Variants in F3 observed in about 807,000 individuals in gnomAD.
The protein encoded by F3 is tissue factor.
A neutral mutation model predicts 33.5 loss-of-function variants in F3; 18 were observed. The ratio of observed to expected loss-of-function variants is 0.54; its 90% confidence interval spans 0.37 to 0.80. F3 has a LOEUF of 0.80. Among genes scored for constraint, F3 ranks in the 30% least tolerant of loss-of-function variants. The pLI is 0.00. For missense variants in F3, 353 were observed against 362.1 expected (o/e 0.97, Z 0.20); for synonymous variants, 147 against 140.7 (o/e 1.05, Z -0.32).
chr1:94,535,938 A>T (rs1256572819), intron 3 of F3, 27 bp downstream of exon 3: 1 of 1,598,932 alleles, frequency 6.3e-7, no homozygotes, highest in South Asian at 1.1e-5. Flanking sequence ...AACAAGAATG[A>T]ACGGTATTAC....
intron 1 of F3, among the ~76,000 whole-genome samples, chr1:94,541,238 A>C (rs1651766331): frequency 6.6e-6 from 1 of 152,220 alleles, no homozygotes; most frequent in Non-Finnish European, 1.5e-5. Flanking sequence ...CCAGAGTTAA[A>C]GCGGGAGCTA....
In F3 at chr1:94,530,556, G is replaced by C. The variant is rs145977586; in HGVS notation, c.792C>G (p.Ile264Met). The C allele has an allele frequency of 3.1e-6, 5 of 1,613,982 alleles. No homozygotes were observed. Among genetic ancestry groups the C allele is most frequent in the Admixed American group, 3.3e-5 (2 of 60,004 alleles). ...ATATAGCCAGGATGATGACAAGGAT[G>C]ATGACCACAAATACCACAGCTCCAA... is the stretch of plus-strand genomic sequence containing the variant. ...YIIGAVVFVV[I>M]ILVIILAISL... The change falls in exon 6 of 6, where the codon ATC (isoleucine) becomes ATG (methionine). Residue 264 changes from isoleucine (I) to methionine (M), a missense_variant. Ile to Met is a conservative substitution (Grantham distance 10, BLOSUM62 1). Coordinates refer to ENST00000334047, the MANE Select transcript of F3 (RefSeq NM_001993.5).
At chr1:94,539,116 G>A (rs1651695883) in intron 2 of F3, among the ~76,000 whole-genome samples, 1 of 152,118 alleles carries the variant, frequency 6.6e-6, no homozygotes, top group Non-Finnish European at 1.5e-5. Flanking sequence ...TGTTTACTAA[G>A]GTAAACTTCA....
At position 94,530,449 on chromosome 1, in the gene F3, C is replaced by T; in HGVS notation, c.*11G>A. 1.2e-6 allele frequency: 2 copies of T among 1,614,062 alleles called. No homozygotes were observed. The highest frequency in any genetic ancestry group is 1.7e-6 in the Non-Finnish European group (2 of 1,180,020). On this transcript the variant is annotated 3_prime_UTR_variant, in exon 6 of 6. Coordinates refer to ENST00000334047, the MANE Select transcript of F3 (RefSeq NM_001993.5). ...AATATAGCATTTGCAGTAGCTCCAA[C>T]AGTGCTTCCTTTATGAAACATTCAG...
rs374919018 is a variant in F3, at chr1:94,536,163, T to A, written c.214A>T (p.Thr72Ser). ...VNQVYTVQIS[T>S]KSGDWKSKCF... ...TTGCTTTTCCAATCTCCTGACTTAGTGCTAAAGAAAGAAAAGAAGGAAGAA... is the reference window on the plus strand; with the variant it reads ...TTGCTTTTCCAATCTCCTGACTTAGAGCTAAAGAAAGAAAAGAAGGAAGAA... The change falls in exon 3 of 6, where the codon ACT becomes TCT. Residue 72 changes from threonine (T) to serine (S), a missense_variant and splice_region_variant. Transcript: ENST00000334047. 2.3e-5 allele frequency: 37 copies of A among 1,613,712 alleles called. No homozygotes were observed. In the South Asian group the frequency reaches 3.7e-4, roughly 16 times the overall value.
rs766214876 is a variant in F3 at position 94,533,059 on chromosome 1, A to G, written c.591+31T>C. ...AACCCAAGTATTCACAATTTAAAAC[A>G]GGTCATAAAAACAAATTAAAAAATG... is the stretch of plus-strand genomic sequence containing the variant. On this transcript the variant is annotated intron_variant, in intron 4 of 5. Coordinates refer to ENST00000334047, the MANE Select transcript of F3 (RefSeq NM_001993.5). 1.9e-6 allele frequency: 3 copies of G among 1,597,260 alleles called. No homozygotes were observed. In the South Asian group the frequency reaches 3.4e-5, roughly 18 times the overall value.
In F3 at chr1:94,529,552, CAGTT is replaced by C. The variant is rs1307622384; in HGVS notation, c.*904_*907del. On this transcript the variant is annotated 3_prime_UTR_variant, in exon 6 of 6. Coordinates refer to ENST00000334047, the MANE Select transcript of F3 (RefSeq NM_001993.5). ...CTCAAATGTTTAATGCCACTTAAGT[CAGTT>C]AAAGTGCAGATTGTAAAGCATATTA... is the stretch of plus-strand genomic sequence containing the variant. 6.6e-6 allele frequency: 1 copy of C among 152,592 alleles called. No individual in the cohort carries two copies. Among genetic ancestry groups the C allele is most frequent in the Non-Finnish European group, 1.5e-5 (1 of 68,020 alleles). 9.5% of individuals were successfully genotyped at this position (152,592 alleles called of 1,614,324 possible).
intron 2 of F3, among the ~76,000 whole-genome samples, chr1:94,536,644 G>T (rs902570258): frequency 6.6e-6 from 1 of 152,122 alleles, no homozygotes; most frequent in African/African-American, 2.4e-5. Flanking sequence ...GAATGTAGAC[G>T]CTCTCTGTCA....
chr1:94,530,743 A>G (rs981791759), intron 5 of F3, 147 bp from the exon 6 acceptor site: 11 of 940,224 alleles, frequency 1.2e-5, no homozygotes, highest in Non-Finnish European at 1.3e-5. Flanking sequence ...TTACATTAGG[A>G]AAGAATTTGT....
chr1:94,530,555 T>A lies in F3; in HGVS notation c.793A>T (p.Ile265Phe), dbSNP rs756710120. The change falls in exon 6 of 6, where the codon ATC becomes TTC. Residue 265 changes from isoleucine to phenylalanine, a missense_variant. Physicochemically the swap from Ile to Phe is conservative, Grantham distance 21. Coordinates refer to ENST00000334047, the MANE Select transcript of F3 (RefSeq NM_001993.5). The stretch of plus-strand genomic sequence containing the variant: ...GATATAGCCAGGATGATGACAAGGA[T>A]GATGACCACAAATACCACAGCTCCA... ...IIGAVVFVVI[I>F]LVIILAISLH... 3.7e-6 allele frequency: 6 copies of A among 1,614,124 alleles called. No individual in the cohort carries two copies. Among genetic ancestry groups the A allele is most frequent in the Non-Finnish European group, 5.1e-6 (6 of 1,180,014 alleles).
Position 94,541,619 on chromosome 1 carries a change from C to T in F3, c.18G>A (p.Trp6Ter). Residue 6 changes from tryptophan (W) to a stop codon, truncating the protein, a stop_gained, in exon 1 of 6, where the codon TGG becomes TGA. Transcript: ENST00000334047. LOFTEE classifies it high-confidence loss of function. METPA[W>*]PRVPRPETAV... is the part of the protein sequence containing the mutation. ...CGGTCTCGGGGCGCGGGACCCGGGG[C>T]CAGGCAGGGGTCTCCATGTCTACCA... The T allele has an allele frequency of 6.9e-7, 1 of 1,453,690 alleles. No individual in the cohort carries two copies. The highest frequency in any genetic ancestry group is 9.1e-7 in the Non-Finnish European group (1 of 1,102,004). 90.0% of individuals were successfully genotyped at this position (1,453,690 alleles called of 1,614,324 possible).
intron 3 of F3, among the ~76,000 whole-genome samples, chr1:94,534,365 T>A (rs182490450): frequency 3.5e-4 from 53 of 152,322 alleles, no homozygotes; most frequent in Middle Eastern, 3.4e-3. Context: ...ATACTCGGAT[T>A]TTCAACTGCA....
chr1:94,541,495 C>A, intron 1 of F3, 42 bp downstream of exon 1: 1 of 1,391,152 alleles, frequency 7.2e-7, no homozygotes, highest in Non-Finnish European at 9.5e-7. Flanking sequence ...CTCCCTCCTG[C>A]GTGTGGCGCG....
At chr1:94,538,710 C>T (rs1008194332) in intron 2 of F3, among the ~76,000 whole-genome samples, 3 of 152,220 alleles carry the variant, frequency 2.0e-5, no homozygotes, top group African/African-American at 7.2e-5. Context: ...GTTTCCTCAA[C>T]TGTAAAATGA....
chr1:94,536,166 TAAAG>T lies in F3; in HGVS notation c.213-6_213-3del. On this transcript the variant is annotated splice_region_variant and splice_polypyrimidine_tract_variant and intron_variant, in intron 2 of 5. Coordinates refer to ENST00000334047, the MANE Select transcript of F3 (RefSeq NM_001993.5). The stretch of plus-strand genomic sequence containing the variant: ...CTTTTCCAATCTCCTGACTTAGTGC[TAAAG>T]AAAGAAAAGAAGGAAGAAACATAAA... 6.2e-7 allele frequency: 1 copy of T among 1,613,496 alleles called. No individual in the cohort carries two copies. The highest frequency in any genetic ancestry group is 8.5e-7 in the Non-Finnish European group (1 of 1,179,710).
At chr1:94,535,838 T>C (rs1651586577) in intron 3 of F3, 127 bp downstream of exon 3, 1 of 848,824 alleles carries the variant, frequency 1.2e-6, no homozygotes, top group African/African-American at 1.7e-5. Context: ...AGGGCTGTGA[T>C]ACATACCAGT....
At chr1:94,536,367 TG>T (rs1463032458) in intron 2 of F3, among the ~76,000 whole-genome samples, 1 of 152,196 alleles carries the variant, frequency 6.6e-6, no homozygotes, top group Non-Finnish European at 1.5e-5. Context: ...TTGCCCAGGC[TG>T]ATCCTTCTGC....
Position 94,541,708 on chromosome 1 carries a change from G to A in F3, c.-72C>T, listed in dbSNP as rs927508402. The stretch of plus-strand genomic sequence containing the variant: ...GGGCTGGGGAGGTTGGGCTGAAGGC[G>A]CCCTGGGCCGGCCAGAGGGAGTGCG... On this transcript the variant is annotated 5_prime_UTR_variant, in exon 1 of 6. Coordinates refer to ENST00000334047, the MANE Select transcript of F3 (RefSeq NM_001993.5). 11 of 1,028,012 alleles carry A rather than the reference G, an allele frequency of 1.1e-5. No individual in the cohort carries two copies. The highest frequency in any genetic ancestry group is 1.4e-5 in the Non-Finnish European group (11 of 764,808). 63.7% of individuals were successfully genotyped at this position (1,028,012 alleles called of 1,614,324 possible).
At chr1:94,537,359 C>T (rs916855271) in intron 2 of F3, among the ~76,000 whole-genome samples, 23 of 152,196 alleles carry the variant, frequency 1.5e-4, no homozygotes, top group African/African-American at 5.5e-4. Flanking sequence ...CCAGACCCAT[C>T]GTTCAAGGCC....
Sources: allele counts gnomAD v4.1 joint callset (sites outside exome capture counted in the v4.1 genomes callset), GRCh38; gene constraint gnomAD v4.1.1; transcripts MANE v1.5; gene names NCBI Gene and HGNC (gene_info 2026-07-23, HGNC 2026-07-21).